Variants in RNF43 observed in about 807,000 individuals in gnomAD.
The protein encoded by RNF43 is E3 ubiquitin-protein ligase RNF43.
In RNF43, 37 loss-of-function variants were observed where a neutral mutation model predicts 78.4. The ratio of observed to expected loss-of-function variants is 0.47; its 90% CI spans 0.36 to 0.62. RNF43 has a LOEUF of 0.62. Among genes scored for constraint, RNF43 ranks in the 20% least tolerant of loss-of-function variants. RNF43 has a pLI of 0.00. For synonymous variants in RNF43, 347 were observed against 395.0 expected (o/e 0.88, Z 1.44); for missense variants, 774 against 1,007.9 (o/e 0.77, Z 3.14).
In RNF43 at chr17:58,354,981, C is replaced by T. The variant is rs774641518; in HGVS notation, c.2314G>A (p.Glu772Lys). 2.5e-6 allele frequency: 4 copies of T among 1,614,108 alleles called. No homozygotes were observed. Among genetic ancestry groups the T allele is most frequent in the Non-Finnish European group, 3.4e-6 (4 of 1,179,984 alleles). ...TCACACAGCTCCTCGAGTTCCTCCT[C>T]TGAGCCTGTATTTAGAGAGCGGGGA... The part of the protein sequence containing the change: ...CQVLSAQPGS[E>K]EELEELCEQA... Residue 772 changes from glutamate to lysine, a missense_variant, in exon 10 of 10, where the codon GAG (glutamate) becomes AAG (lysine). Coordinates refer to ENST00000407977, the MANE Select transcript of RNF43 (RefSeq NM_017763.6).
At chr17:58,382,975 G>C (rs897268640) in intron 2 of RNF43, among the ~76,000 whole-genome samples, 2 of 152,164 alleles carry the variant, frequency 1.3e-5, no homozygotes, top group Non-Finnish European at 2.9e-5. Flanking sequence ...AAGCCATTTA[G>C]AGACTATTAC....
Position 58,357,352 on chromosome 17 carries a change from C to G in RNF43, c.2308+116G>C. 1 of 1,356,108 alleles carries G rather than the reference C, an allele frequency of 7.4e-7. No individual in the cohort carries two copies. The highest frequency in any genetic ancestry group is 1.1e-6 in the Non-Finnish European group (1 of 950,892). The allele number at this position is 1,356,108 out of a possible 1,614,324, so 84.0% of individuals were successfully genotyped here. On this transcript the variant is annotated intron_variant, in intron 9 of 9. Transcript: ENST00000407977. The surrounding 1 kb of genome is among the most constrained non-coding windows in gnomAD (Gnocchi z 4.5). ...GATGGTTAAGTATTTTGGTTGTCAT[C>G]TCTGCTGTATCCTTCTCAGCTTCCA... is the stretch of plus-strand genomic sequence containing the variant.
chr17:58,403,677 A>G (rs1973850832), intron 2 of RNF43, among the ~76,000 whole-genome samples: 1 of 152,170 alleles, frequency 6.6e-6, no homozygotes. Context: ...ATAACAAGGC[A>G]TAGTTACTAA....
At chr17:58,396,996 C>A (rs1973695260) in intron 2 of RNF43, among the ~76,000 whole-genome samples, 1 of 150,902 alleles carries the variant, frequency 6.6e-6, no homozygotes, top group Non-Finnish European at 1.5e-5. Flanking sequence ...AGATTCAGGG[C>A]TTTGATTTTC....
At chr17:58,369,068 T>TACACACAC (rs369670104) in intron 3 of RNF43, among the ~76,000 whole-genome samples, 16 of 144,936 alleles carry the variant, frequency 1.1e-4, no homozygotes, top group African/African-American at 3.5e-4. Context: ...CTCTCTCTCA[T>TACACACAC]ACACACACAC....
At chr17:58,397,974 C>A (rs1344490388) in intron 2 of RNF43, among the ~76,000 whole-genome samples, 1 of 152,124 alleles carries the variant, frequency 6.6e-6, no homozygotes, top group Non-Finnish European at 1.5e-5. Flanking sequence ...TTGTATCAGC[C>A]CACTCCCTAT....
At chr17:58,363,221 C>T (rs1972877503) in intron 5 of RNF43, 54 bp downstream of exon 5, 2 of 1,598,286 alleles carry the variant, frequency 1.3e-6, no homozygotes, top group East Asian at 2.2e-5. Flanking sequence ...GGAGTTGCCA[C>T]AGGACAAAGT....
chr17:58,360,854 G>T lies in RNF43; in HGVS notation c.778C>A (p.Pro260Thr), dbSNP rs1244400561. Residue 260 changes from proline to threonine, a missense_variant, in exon 7 of 10, where the codon CCA (proline) becomes ACA (threonine). Physicochemically the swap from Pro to Thr is conservative, Grantham distance 38 (BLOSUM62 -1). Coordinates refer to ENST00000407977, the MANE Select transcript of RNF43 (RefSeq NM_017763.6). This position sits in a 1 kb window ranked among gnomAD's most constrained non-coding sequence, Gnocchi z 4.3. Reference sequence around the variant, plus strand: ...GAGCTGCAGCTGCTCCCTGAGTCTGGCCACTCACCCCGGGCCTGCCTGCAG... The same window carrying T: ...GAGCTGCAGCTGCTCCCTGAGTCTGTCCACTCACCCCGGGCCTGCCTGCAG... ...ASCRQARGEWPDSGSSCSSAP... is the reference protein window; with the variant it reads ...ASCRQARGEWTDSGSSCSSAP... 6.2e-7 allele frequency: 1 copy of T among 1,612,864 alleles called. No individual in the cohort carries two copies. The highest frequency in any genetic ancestry group is 1.7e-5 in the Admixed American group (1 of 59,888).
intron 2 of RNF43, among the ~76,000 whole-genome samples, chr17:58,404,013 A>G (rs951966629): frequency 6.6e-6 from 1 of 152,210 alleles, no homozygotes; most frequent in Non-Finnish European, 1.5e-5. Context: ...CATTTACAAT[A>G]AGGGTCCTCA....
intron 2 of RNF43, among the ~76,000 whole-genome samples, chr17:58,408,259 T>C (rs1170913145): frequency 6.6e-6 from 1 of 152,242 alleles, no homozygotes; most frequent in Non-Finnish European, 1.5e-5. Context: ...GAGAGTCAAC[T>C]CACTGAGATT....
At chr17:58,367,225 T>C (rs1755427252) in intron 3 of RNF43, among the ~76,000 whole-genome samples, 1 of 151,990 alleles carries the variant, frequency 6.6e-6, no homozygotes, top group South Asian at 2.1e-4. Context: ...GGTCTTAAAC[T>C]CCTGACCTCG....
At chr17:58,370,659 C>T (rs944563587) in intron 3 of RNF43, among the ~76,000 whole-genome samples, 1 of 152,170 alleles carries the variant, frequency 6.6e-6, no homozygotes, top group Non-Finnish European at 1.5e-5. Flanking sequence ...TCAGGAACTC[C>T]CAAGTGATGG....
chr17:58,386,718 T>C (rs186394132), intron 2 of RNF43, among the ~76,000 whole-genome samples: 87 of 152,368 alleles, frequency 5.7e-4, no homozygotes, highest in Admixed American at 3.1e-3. Flanking sequence ...CAAGTTCATA[T>C]GCTACCTCTT....
rs532357871 is a variant in RNF43, at chr17:58,363,386, C to T, written c.471G>A (p.Leu157=). ...AAEQLQQPLG[L]TWPVVLIWGN... is the part of the protein sequence containing the mutation. ...CCCAGATCAACACCACTGGCCAGGT[C>T]AGCCCCAGCGGCTGCTGCAGCTACA... Residue 157 remains leucine (L), a synonymous_variant, in exon 5 of 10, where the codon CTG becomes CTA. Transcript: ENST00000407977. 6.2e-7 allele frequency: 1 copy of T among 1,614,190 alleles called. No homozygotes were observed. Among genetic ancestry groups the T allele is most frequent in the East Asian group, 2.2e-5 (1 of 44,882 alleles).
chr17:58,361,290 T>A (rs1416791543), intron 6 of RNF43, among the ~76,000 whole-genome samples: 3 of 152,220 alleles, frequency 2.0e-5, no homozygotes, highest in Admixed American at 6.5e-5. Context: ...CATACCTGTC[T>A]TCCCCGTCTT....
chr17:58,407,022 G>A (rs1039467794), intron 2 of RNF43, among the ~76,000 whole-genome samples: 1 of 149,624 alleles, frequency 6.7e-6, no homozygotes, highest in African/African-American at 2.5e-5. Context: ...ACAAACAGGA[G>A]TCGTGAAGAT....
chr17:58,386,340 C>T (rs991258218), intron 2 of RNF43, among the ~76,000 whole-genome samples: 5 of 150,742 alleles, frequency 3.3e-5, no homozygotes, highest in Admixed American at 6.6e-5. Flanking sequence ...GCAGGAGAAT[C>T]GCTTGACCCC....
intron 2 of RNF43, among the ~76,000 whole-genome samples, chr17:58,396,151 A>ATG: frequency 1.3e-5 from 2 of 152,348 alleles, no homozygotes; most frequent in African/African-American, 4.8e-5. Flanking sequence ...AGGCCTGCTC[A>ATG]TCAAAATCCC....
chr17:58,361,313 A>G (rs955825443), intron 6 of RNF43, among the ~76,000 whole-genome samples: 1 of 152,194 alleles, frequency 6.6e-6, no homozygotes, highest in Admixed American at 6.5e-5. Flanking sequence ...CCATTATAGC[A>G]AATGGCAATT....
Sources: allele counts gnomAD v4.1 joint callset (sites outside exome capture counted in the v4.1 genomes callset), GRCh38; gene constraint gnomAD v4.1.1; non-coding constraint Gnocchi (gnomAD v3.1); transcripts MANE v1.5; gene names NCBI Gene and HGNC (gene_info 2026-07-23, HGNC 2026-07-21).